SUPT7L: variants seen among roughly 807,000 people sequenced by gnomAD.
The protein encoded by SUPT7L is STAGA complex 65 subunit gamma.
In SUPT7L, 15 loss-of-function variants were observed where a neutral mutation model predicts 35.7. The observed-to-expected ratio is 0.42, with a 90% confidence interval of 0.28 to 0.65. SUPT7L has a LOEUF of 0.65. Among genes scored for constraint, SUPT7L ranks in the 30% least tolerant of loss-of-function variants. The pLI is 0.23. For missense variants in SUPT7L, 434 were observed against 522.2 expected, an observed-to-expected ratio of 0.83 and a Z score of 1.65; for synonymous variants, 168 against 186.2, an observed-to-expected ratio of 0.90 and a Z score of 0.79.
chr2:27,662,284 G>T lies in SUPT7L; in HGVS notation c.-89-3C>A. ...ACTGATAATGTGAGATCCTTGCCCT[G>T]AAGTGAGGAAGAGAAACAGAAGCAG... is the stretch of plus-strand genomic sequence containing the variant. On this transcript the variant is annotated splice_region_variant and splice_polypyrimidine_tract_variant and intron_variant, in intron 1 of 5. Coordinates refer to ENST00000337768, the MANE Select transcript of SUPT7L (RefSeq NM_014860.3). The T allele has an allele frequency of 7.4e-7, 1 of 1,360,264 alleles. No homozygotes were observed. The highest frequency in any genetic ancestry group is 1.1e-6 in the Non-Finnish European group (1 of 950,242). 84.3% of individuals were successfully genotyped at this position (1,360,264 alleles called of 1,614,324 possible).
intron 3 of SUPT7L, among the ~76,000 whole-genome samples, chr2:27,659,401 A>G (rs1317695234): frequency 3.3e-5 from 5 of 152,206 alleles, no homozygotes; most frequent in Non-Finnish European, 5.9e-5. Context: ...CTTGCCGAAC[A>G]TATTTAATCT....
At chr2:27,648,052 G>T, downstream of SUPT7L, 1 of 670,666 alleles carries the variant, frequency 1.5e-6, no homozygotes. Context: ...GTGGATAAAG[G>T]ATACAGCACC....
chr2:27,660,971 A>C lies in SUPT7L; in HGVS notation c.419+13T>G. The C allele has an allele frequency of 6.2e-7, 1 of 1,607,898 alleles. No homozygotes were observed. The highest frequency in any genetic ancestry group is 8.5e-7 in the Non-Finnish European group (1 of 1,175,714). ...ACTTGAGAAAAGTAAGATACAGCAA[A>C]GCCTTGCCTTACCGATAAAAGTCAC... On this transcript the variant is annotated intron_variant, in intron 3 of 5. Coordinates refer to ENST00000337768, the MANE Select transcript of SUPT7L (RefSeq NM_014860.3).
rs956651361 is a variant in SUPT7L, at chr2:27,657,012, T to G, written c.744+333A>C. Among the ~76,000 whole-genome samples the G allele has an allele frequency of 6.6e-6, 1 of 152,244 alleles. No homozygotes were observed. The highest frequency in any genetic ancestry group is 1.9e-4 in the East Asian group (1 of 5,206). On this transcript the variant is annotated intron_variant, in intron 4 of 5. Coordinates refer to ENST00000337768, the MANE Select transcript of SUPT7L (RefSeq NM_014860.3). This position sits in a 1 kb window ranked among gnomAD's most constrained non-coding sequence, Gnocchi z 5.2. ...CAAAAACAATGTAAACTCAGGTAACTTAGTAACTGCTGAATCCCACAATGC... is the reference window on the plus strand; with the variant it reads ...CAAAAACAATGTAAACTCAGGTAACGTAGTAACTGCTGAATCCCACAATGC...
chr2:27,655,529 A>G lies in SUPT7L; in HGVS notation c.818T>C (p.Val273Ala). ...GCTCACAGGTTCCTCCTTGATCTTC[A>G]CAGGTTTAGCGTCCTCTGTGGCCTT... ...PEKATEDAKP[V>A]KIKEEPVSDI... The change falls in exon 5 of 6, where the codon GTG (valine) becomes GCG (alanine). Residue 273 changes from valine to alanine, a missense_variant. This residue lies in a region of SUPT7L where 159 missense variants were observed against 217.1 expected (regional missense o/e 0.73). Coordinates refer to ENST00000337768, the MANE Select transcript of SUPT7L (RefSeq NM_014860.3). The G allele has an allele frequency of 6.2e-7, 1 of 1,614,130 alleles. No homozygotes were observed. Among genetic ancestry groups the G allele is most frequent in the Non-Finnish European group, 8.5e-7 (1 of 1,179,988 alleles).
At chr2:27,655,698 A>G in intron 4 of SUPT7L, 96 bp from the exon 5 acceptor site, 2 of 1,081,128 alleles carry the variant, frequency 1.8e-6, no homozygotes, top group Non-Finnish European at 1.3e-6. Context: ...CAGAACATGA[A>G]TAACAGAATT....
In SUPT7L at chr2:27,657,288, T is replaced by G. The variant is rs1674847136; in HGVS notation, c.744+57A>C. The G allele has an allele frequency of 6.4e-7, 1 of 1,566,744 alleles. No homozygotes were observed. The highest frequency in any genetic ancestry group is 1.3e-5 in the African/African-American group (1 of 74,266). ...TAGACCAAGTGTTGTGGGATCCTGC[T>G]GAACACTCCGAGATTGCACAGACAT... On this transcript the variant is annotated intron_variant, in intron 4 of 5. Coordinates refer to ENST00000337768, the MANE Select transcript of SUPT7L (RefSeq NM_014860.3). The surrounding 1 kb of genome is among the most constrained non-coding windows in gnomAD (Gnocchi z 5.2).
chr2:27,647,266 T>A (rs952140996), downstream of SUPT7L, among the ~76,000 whole-genome samples: 11 of 152,238 alleles, frequency 7.2e-5, no homozygotes, highest in Admixed American at 2.0e-4. Context: ...GACTTCTCTC[T>A]GATTACTGGA....
chr2:27,663,586 C>G lies in SUPT7L; in HGVS notation c.-347G>C. On this transcript the variant is annotated 5_prime_UTR_variant, in exon 1 of 6. Coordinates refer to ENST00000337768, the MANE Select transcript of SUPT7L (RefSeq NM_014860.3). ...CCTGAGGCAAGGATCGCGTCAGACC[C>G]CGAAAGCTGGTTTGTTGATTAGTGA... 1 of 636,000 alleles carries G rather than the reference C, an allele frequency of 1.6e-6. No individual in the cohort carries two copies. Among genetic ancestry groups the G allele is most frequent in the South Asian group, 2.0e-5 (1 of 51,228 alleles). The allele number at this position is 636,000 out of a possible 1,614,324, so 39.4% of individuals were successfully genotyped here. A position where few individuals can be genotyped will look rare whatever the true frequency, so the allele number is the denominator to read the frequency against.
chr2:27,655,250 A>G (rs1674738797), intron 5 of SUPT7L, 115 bp downstream of exon 5: 1 of 879,278 alleles, frequency 1.1e-6, no homozygotes, highest in African/African-American at 1.7e-5. Flanking sequence ...AGGACTTTCC[A>G]TTCTGCCCAC....
rs1365670198 is a variant in SUPT7L at position 27,662,284 on chromosome 2, G to C, written c.-89-3C>G. On this transcript the variant is annotated splice_region_variant and splice_polypyrimidine_tract_variant and intron_variant, in intron 1 of 5. Coordinates refer to ENST00000337768, the MANE Select transcript of SUPT7L (RefSeq NM_014860.3). The stretch of plus-strand genomic sequence containing the variant: ...ACTGATAATGTGAGATCCTTGCCCT[G>C]AAGTGAGGAAGAGAAACAGAAGCAG... 14 of 1,360,266 alleles carry C rather than the reference G, an allele frequency of 1.0e-5. No homozygotes were observed. In the East Asian group the frequency reaches 1.4e-4, roughly 13 times the overall value. 84.3% of individuals were successfully genotyped at this position (1,360,266 alleles called of 1,614,324 possible).
the SUPT7L span, among the ~76,000 whole-genome samples, chr2:27,643,115 T>C: frequency 6.6e-6 from 1 of 151,614 alleles, no homozygotes; most frequent in Non-Finnish European, 1.5e-5. This position sits in a 1 kb window ranked among gnomAD's most constrained non-coding sequence, Gnocchi z 4.0. Flanking sequence ...TTTGGCAATA[T>C]ACTTGATGTG....
chr2:27,649,275 A>C (rs557898962), downstream of SUPT7L, among the ~76,000 whole-genome samples: 152 of 151,880 alleles, frequency 1.0e-3, no homozygotes, highest in African/African-American at 2.5e-3. Flanking sequence ...AAACAAAAAA[A>C]CACGAAAACC....
At chr2:27,647,705 A>C (rs573007552), downstream of SUPT7L, 40 of 613,504 alleles carry the variant, frequency 6.5e-5, 1 homozygote, top group South Asian at 7.3e-4. Context: ...CAATACATTT[A>C]GAAGAGGTAA....
At chr2:27,658,150 T>G (rs1174699506) in intron 3 of SUPT7L, among the ~76,000 whole-genome samples, 1 of 152,232 alleles carries the variant, frequency 6.6e-6, no homozygotes, top group Non-Finnish European at 1.5e-5. Flanking sequence ...CTTAGATTCT[T>G]ATAAAGTTAC....
In SUPT7L at chr2:27,653,410, G is replaced by A; in HGVS notation, c.*75C>T. On this transcript the variant is annotated 3_prime_UTR_variant, in exon 6 of 6. Coordinates refer to ENST00000337768, the MANE Select transcript of SUPT7L (RefSeq NM_014860.3). Reference sequence around the variant, plus strand: ...GAACAGGAGTCAAATCAATTTTTAAGGAAACAGATTCTAATACAAAAACCT... The same window carrying A: ...GAACAGGAGTCAAATCAATTTTTAAAGAAACAGATTCTAATACAAAAACCT... 1.3e-6 allele frequency: 2 copies of A among 1,522,404 alleles called. No homozygotes were observed. The highest frequency in any genetic ancestry group is 1.8e-6 in the Non-Finnish European group (2 of 1,140,802). 94.3% of individuals were successfully genotyped at this position (1,522,404 alleles called of 1,614,324 possible). A position where few individuals can be genotyped will look rare whatever the true frequency, so the allele number is the denominator to read the frequency against.
chr2:27,662,674 T>G (rs1312124800), intron 1 of SUPT7L, among the ~76,000 whole-genome samples: 3 of 152,202 alleles, frequency 2.0e-5, no homozygotes, highest in Non-Finnish European at 4.4e-5. Flanking sequence ...CGCAATAGAT[T>G]TTTTCTGCCC....
Position 27,655,058 on chromosome 2 carries a change from A to C in SUPT7L, c.982+307T>G, listed in dbSNP as rs139220850. 3.9e-4 allele frequency among the ~76,000 whole-genome samples: 60 copies of C among 152,360 alleles called. 2 individuals carry two copies. The East Asian group carries it at 0.01, about 26-fold the overall frequency. ...TAAAATACTAAAGGAGGAAGGGGAT[A>C]TCTTCCCAACCAGCTGGATCAGCTG... On this transcript the variant is annotated intron_variant, in intron 5 of 5. Coordinates refer to ENST00000337768, the MANE Select transcript of SUPT7L (RefSeq NM_014860.3).
At chr2:27,646,370 A>T (rs1439094460), downstream of SUPT7L, among the ~76,000 whole-genome samples, 3 of 152,132 alleles carry the variant, frequency 2.0e-5, no homozygotes, top group Non-Finnish European at 2.9e-5. Context: ...TAAGTATTTA[A>T]CCTTCTTCAT....
Sources: allele counts gnomAD v4.1 joint callset (sites outside exome capture counted in the v4.1 genomes callset), GRCh38; gene constraint gnomAD v4.1.1; regional missense constraint gnomAD v4.1.1; non-coding constraint Gnocchi (gnomAD v3.1); transcripts MANE v1.5; gene names NCBI Gene and HGNC (gene_info 2026-07-23, HGNC 2026-07-21).